NCOA7: variants seen among roughly 807,000 people sequenced by gnomAD.
NCOA7 encodes 140 kDa estrogen receptor-associated protein.
A neutral mutation model predicts 104.3 loss-of-function variants in NCOA7; 45 were observed. That is an observed-to-expected ratio of 0.43 (90% CI 0.34 to 0.55). NCOA7 has a LOEUF of 0.55. NCOA7 is among the 20% of genes least tolerant of loss of function. The pLI, the probability that NCOA7 is intolerant of heterozygous loss-of-function variation, is 0.02. For missense variants in NCOA7, 1,041 were observed against 1,119.7 expected (o/e 0.93, Z 1.00); for synonymous variants, 398 against 402.3 (o/e 0.99, Z 0.13).
chr6:125,817,337 G>C (rs1562820470), intron 2 of NCOA7, among the ~76,000 whole-genome samples: 1 of 152,200 alleles, frequency 6.6e-6, no homozygotes, highest in Non-Finnish European at 1.5e-5. Flanking sequence ...TTATAAAAAA[G>C]TGCAATACTC....
At chr6:125,900,198 T>A (rs1388232907) in intron 10 of NCOA7, among the ~76,000 whole-genome samples, 1 of 152,150 alleles carries the variant, frequency 6.6e-6, no homozygotes, top group African/African-American at 2.4e-5. Flanking sequence ...TTGCTACATC[T>A]TCTCATCTTT....
chr6:125,901,934 C>G (rs1195042987), intron 10 of NCOA7, among the ~76,000 whole-genome samples: 4 of 152,096 alleles, frequency 2.6e-5, no homozygotes, highest in Admixed American at 6.5e-5. Context: ...TCCGACCGTC[C>G]CCGACCAAAC....
intron 2 of NCOA7, among the ~76,000 whole-genome samples, chr6:125,848,331 C>G (rs1176039413): frequency 6.6e-6 from 1 of 152,134 alleles, no homozygotes; most frequent in Non-Finnish European, 1.5e-5. Context: ...AATCATGCTG[C>G]TATGAAGACA....
At chr6:125,895,841 C>T (rs998157115) in intron 10 of NCOA7, among the ~76,000 whole-genome samples, 1 of 151,838 alleles carries the variant, frequency 6.6e-6, no homozygotes, top group Non-Finnish European at 1.5e-5. Flanking sequence ...GGATCTGCCC[C>T]CACGACCCAA....
intron 10 of NCOA7, among the ~76,000 whole-genome samples, chr6:125,893,997 C>T (rs1784810988): frequency 1.3e-5 from 2 of 152,300 alleles, no homozygotes; most frequent in African/African-American, 4.8e-5. Flanking sequence ...GGGAGATCTG[C>T]AGTTTCCACA....
intron 10 of NCOA7, among the ~76,000 whole-genome samples, chr6:125,907,025 A>G (rs1413132540): frequency 6.6e-6 from 1 of 152,196 alleles, no homozygotes; most frequent in African/African-American, 2.4e-5. Flanking sequence ...TCTCCAGAGG[A>G]CTTAGAACTT....
chr6:125,796,572 G>A (rs1775353195), intron 1 of NCOA7: 1 of 151,730 alleles, frequency 6.6e-6, no homozygotes, highest in African/African-American at 2.4e-5. Flanking sequence ...AGTTGTTATA[G>A]TACACTGTTT....
Position 125,930,586 on chromosome 6 carries a change from C to T in NCOA7, c.*1815C>T, listed in dbSNP as rs974737816. On this transcript the variant is annotated 3_prime_UTR_variant, in exon 16 of 16. Coordinates refer to ENST00000392477, the MANE Select transcript of NCOA7 (RefSeq NM_181782.5). ...TAAAAAAGCAATTCTTAGAATACTT[C>T]CTTTACATTATTCTCCTATTTTAGA... 3 of 152,562 alleles carry T rather than the reference C, an allele frequency of 2.0e-5. No individual in the cohort carries two copies. Among genetic ancestry groups the T allele is most frequent in the Non-Finnish European group, 4.4e-5 (3 of 68,030 alleles). The allele number at this position is 152,562 out of a possible 1,614,324, so 9.5% of individuals were successfully genotyped here.
At chr6:125,837,867 G>GA (rs1779761409) in intron 2 of NCOA7, among the ~76,000 whole-genome samples, 1 of 152,222 alleles carries the variant, frequency 6.6e-6, no homozygotes, top group Non-Finnish European at 1.5e-5. Context: ...AAATTGGCAT[G>GA]AAAAATGGGA....
chr6:125,918,890 C>T (rs1787309430), intron 11 of NCOA7, among the ~76,000 whole-genome samples: 1 of 151,308 alleles, frequency 6.6e-6, no homozygotes, highest in Non-Finnish European at 1.5e-5. Flanking sequence ...AAGCTTATAC[C>T]AGGGATCACA....
At chr6:125,866,637 C>T (rs920068197) in intron 3 of NCOA7, among the ~76,000 whole-genome samples, 1 of 152,164 alleles carries the variant, frequency 6.6e-6, no homozygotes, top group Non-Finnish European at 1.5e-5. Context: ...GATGGTAGAC[C>T]AGGACTCTCA....
exon 1 of NCOA7, chr6:125,781,189 G>A (rs918958984): frequency 1.3e-5 from 2 of 152,238 alleles, no homozygotes; most frequent in African/African-American, 4.8e-5. Flanking sequence ...GATGCAGAGG[G>A]CAGTAAGATA....
intron 1 of NCOA7, among the ~76,000 whole-genome samples, chr6:125,813,300 G>A (rs1163317065): frequency 6.6e-6 from 1 of 152,090 alleles, no homozygotes; most frequent in African/African-American, 2.4e-5. Flanking sequence ...AAGCTCCTTA[G>A]AGCAGCATAC....
At chr6:125,846,565 T>A (rs1487851574) in intron 2 of NCOA7, among the ~76,000 whole-genome samples, 2 of 152,184 alleles carry the variant, frequency 1.3e-5, no homozygotes, top group Non-Finnish European at 2.9e-5. Context: ...AGAACCCAAA[T>A]CTGTGTTCCA....
intron 10 of NCOA7, among the ~76,000 whole-genome samples, chr6:125,902,739 G>A (rs1023571803): frequency 5.9e-5 from 9 of 152,142 alleles, no homozygotes; most frequent in African/African-American, 2.2e-4. Flanking sequence ...GACAGTGGAA[G>A]TGACCCTAAA....
At chr6:125,883,588 C>G (rs1192586309) in intron 7 of NCOA7, among the ~76,000 whole-genome samples, 1 of 152,118 alleles carries the variant, frequency 6.6e-6, no homozygotes, top group Non-Finnish European at 1.5e-5. Context: ...AATCACTTAC[C>G]TACTTTCTGT....
At position 125,866,610 on chromosome 6, in the gene NCOA7, A is replaced by G. The variant is rs147381367; in HGVS notation, c.272-8279A>G. ...AGACTGTCTTTAAGTTACTTCCCCAAGGTTACCTAGTGAGCAGATGGTAGA... is the reference window on the plus strand; with the variant it reads ...AGACTGTCTTTAAGTTACTTCCCCAGGGTTACCTAGTGAGCAGATGGTAGA... On this transcript the variant is annotated intron_variant, in intron 3 of 15. Transcript: ENST00000392477. Among the ~76,000 whole-genome samples the G allele has an allele frequency of 5.1e-4, 77 of 152,288 alleles. 1 individual carries two copies. In the East Asian group the frequency reaches 0.013, roughly 26 times the overall value.
At chr6:125,876,771 G>A (rs1280720315) in intron 4 of NCOA7, among the ~76,000 whole-genome samples, 1 of 152,098 alleles carries the variant, frequency 6.6e-6, no homozygotes, top group African/African-American at 2.4e-5. Flanking sequence ...ATAATTTTGT[G>A]TTTAAAGAGC....
chr6:125,824,956 A>G (rs187070011), intron 2 of NCOA7, among the ~76,000 whole-genome samples: 44 of 151,996 alleles, frequency 2.9e-4, no homozygotes, highest in African/African-American at 1.1e-3. Flanking sequence ...GATTCGCTTG[A>G]ACCCAGGAGG....
Sources: allele counts gnomAD v4.1 joint callset (sites outside exome capture counted in the v4.1 genomes callset), GRCh38; gene constraint gnomAD v4.1.1; transcripts MANE v1.5; gene names NCBI Gene and HGNC (gene_info 2026-07-23, HGNC 2026-07-21).